Variants in IL17C observed in about 807,000 individuals in gnomAD.
IL17C encodes interleukin 17C.
Under a neutral mutation model 11.0 loss-of-function variants are expected in IL17C, and 13 were observed. That is an observed-to-expected ratio of 1.18 (90% confidence interval 0.77 to 1.88). IL17C has a LOEUF of 1.88. Ranked by LOEUF, IL17C falls within the 40% of genes most tolerant of loss-of-function variation. IL17C has a pLI of 0.00. For missense variants in IL17C, 357 were observed against 278.2 expected, an observed-to-expected ratio of 1.28 and a Z score of -2.01; for synonymous variants, 150 against 125.8, an observed-to-expected ratio of 1.19 and a Z score of -1.29.
chr16:88,639,129 T>C lies in IL17C; in HGVS notation c.155T>C (p.Leu52Pro). The C allele has an allele frequency of 6.2e-7, 1 of 1,613,024 alleles. No homozygotes were observed. The highest frequency in any genetic ancestry group is 1.3e-5 in the African/African-American group (1 of 75,050). The change falls in exon 2 of 3, where the codon CTG (leucine) becomes CCG (proline). Residue 52 changes from leucine to proline, a missense_variant. Leu to Pro is a moderately conservative substitution (Grantham distance 98). Transcript: ENST00000244241. The surrounding 1 kb of genome is among the most constrained non-coding windows in gnomAD (Gnocchi z 5.1). ...LPLGQAPPHL[L>P]ARGAKWGQAL... ...CTCGGCCAGGCCCCCCCACACCTGCTGGCTCGAGGTGCCAAGTGGGGGCAG... is the reference window on the plus strand; with the variant it reads ...CTCGGCCAGGCCCCCCCACACCTGCCGGCTCGAGGTGCCAAGTGGGGGCAG...
intron 1 of IL17C, 29 bp from the exon 2 acceptor site, chr16:88,638,952 C>G: frequency 6.5e-7 from 1 of 1,539,170 alleles, no homozygotes; most frequent in Non-Finnish European, 8.8e-7. Flanking sequence ...CTGGGCACCT[C>G]CTAACCACCC....
In IL17C at chr16:88,639,407, T is replaced by A; in HGVS notation, c.335+98T>A. On this transcript the variant is annotated intron_variant, in intron 2 of 2. Transcript: ENST00000244241. The surrounding 1 kb of genome is among the most constrained non-coding windows in gnomAD (Gnocchi z 5.1). ...TCTCTGGGCCTTGGTGGTTCTCACC[T>A]GTCAAGTGGGCGTGGCCACCTGAGC... 1 of 1,223,218 alleles carries A rather than the reference T, an allele frequency of 8.2e-7. No individual in the cohort carries two copies. The highest frequency in any genetic ancestry group is 1.1e-6 in the Non-Finnish European group (1 of 904,766). 75.8% of individuals were successfully genotyped at this position (1,223,218 alleles called of 1,614,324 possible). A position where few individuals can be genotyped will look rare whatever the true frequency, so the allele number is the denominator to read the frequency against.
At position 88,638,577 on chromosome 16, in the gene IL17C, C is replaced by T; in HGVS notation, c.-65C>T. The stretch of plus-strand genomic sequence containing the variant: ...CTGCTGCCAGGTGCATGGCCAGGTG[C>T]ACCTGTGGGATTGCCGCCAGGTGTG... On this transcript the variant is annotated 5_prime_UTR_variant, in exon 1 of 3. Coordinates refer to ENST00000244241, the MANE Select transcript of IL17C (RefSeq NM_013278.4). 4.3e-6 allele frequency: 7 copies of T among 1,609,546 alleles called. No individual in the cohort carries two copies. Among genetic ancestry groups the T allele is most frequent in the Admixed American group, 1.7e-5 (1 of 59,994 alleles).
Position 88,640,109 on chromosome 16 carries a change from T to G in IL17C, c.*37T>G. 1 of 1,516,124 alleles carries G rather than the reference T, an allele frequency of 6.6e-7. No homozygotes were observed. Among genetic ancestry groups the G allele is most frequent in the Non-Finnish European group, 8.8e-7 (1 of 1,132,662 alleles). The allele number at this position is 1,516,124 out of a possible 1,614,324, so 93.9% of individuals were successfully genotyped here. A position where few individuals can be genotyped will look rare whatever the true frequency, so the allele number is the denominator to read the frequency against. On this transcript the variant is annotated 3_prime_UTR_variant, in exon 3 of 3. Transcript: ENST00000244241. ...GTGGGGCCCCTAGACTGGACACGTG[T>G]GCTCCCCAGAGGGCACCCCCTATTT... is the stretch of plus-strand genomic sequence containing the variant.
In IL17C at chr16:88,638,662, A is replaced by G. The variant is rs779205472; in HGVS notation, c.6+15A>G. 3.1e-6 allele frequency: 5 copies of G among 1,612,834 alleles called. No homozygotes were observed. Among genetic ancestry groups the G allele is most frequent in the South Asian group, 1.1e-5 (1 of 91,082 alleles). Reference sequence around the variant, plus strand: ...CCACCATGACGGTGAGCCTCTCCACATGCCGCTCGGATGGATGCTGCTTGG... The same window carrying G: ...CCACCATGACGGTGAGCCTCTCCACGTGCCGCTCGGATGGATGCTGCTTGG... On this transcript the variant is annotated intron_variant, in intron 1 of 2. Transcript: ENST00000244241.
In IL17C at chr16:88,639,750, G is replaced by A; in HGVS notation, c.336-64G>A. ...CTGAGTACACGGAGAGGGGCCCTGA[G>A]GGGAGAGGGGCCTCCAGGAGGACAG... On this transcript the variant is annotated intron_variant, in intron 2 of 2. Transcript: ENST00000244241. The surrounding 1 kb of genome is among the most constrained non-coding windows in gnomAD (Gnocchi z 5.1). 1 of 1,459,566 alleles carries A rather than the reference G, an allele frequency of 6.9e-7. No homozygotes were observed. The highest frequency in any genetic ancestry group is 2.4e-5 in the Admixed American group (1 of 42,080). The allele number at this position is 1,459,566 out of a possible 1,614,324, so 90.4% of individuals were successfully genotyped here.
rs896256624 is a variant in IL17C at position 88,639,205 on chromosome 16, G to GA, written c.232dup (p.Arg78LysfsTer40). 1 of 1,612,772 alleles carries GA rather than the reference G, an allele frequency of 6.2e-7. No individual in the cohort carries two copies. Among genetic ancestry groups the GA allele is most frequent in the Non-Finnish European group, 8.5e-7 (1 of 1,179,880 alleles). ...GCCTGGAGGCAGCAAGCCACAGGGG[G>GA]AGGCACGAGAGGCCCTCAGCTACGA... On this transcript the variant is annotated frameshift_variant, in exon 2 of 3. Coordinates refer to ENST00000244241, the MANE Select transcript of IL17C (RefSeq NM_013278.4). This position sits in a 1 kb window ranked among gnomAD's most constrained non-coding sequence, Gnocchi z 5.1.
chr16:88,640,165 C>A lies in IL17C; in HGVS notation c.*93C>A. On this transcript the variant is annotated 3_prime_UTR_variant, in exon 3 of 3. Transcript: ENST00000244241. ...TATTTATTGTTATTTATATGCCTCC[C>A]CCAACACTACCCTTGGGGTCTGGGC... 1 of 1,363,562 alleles carries A rather than the reference C, an allele frequency of 7.3e-7. No homozygotes were observed. The highest frequency in any genetic ancestry group is 9.9e-7 in the Non-Finnish European group (1 of 1,014,042). 84.5% of individuals were successfully genotyped at this position (1,363,562 alleles called of 1,614,324 possible). A position where few individuals can be genotyped will look rare whatever the true frequency, so the allele number is the denominator to read the frequency against.
rs758263667 is a variant in IL17C, at chr16:88,639,164, G to A, written c.190G>A (p.Val64Ile). The change falls in exon 2 of 3, where the codon GTA becomes ATA. Residue 64 changes from valine (V) to isoleucine (I), a missense_variant. Physicochemically the swap from Val to Ile is conservative, Grantham distance 29. Coordinates refer to ENST00000244241, the MANE Select transcript of IL17C (RefSeq NM_013278.4). This position sits in a 1 kb window ranked among gnomAD's most constrained non-coding sequence, Gnocchi z 5.1. ...RGAKWGQALP[V>I]ALVSSLEAAS... ...TGCCAAGTGGGGGCAGGCTTTGCCTGTAGCCCTGGTGTCCAGCCTGGAGGC... is the reference window on the plus strand; with the variant it reads ...TGCCAAGTGGGGGCAGGCTTTGCCTATAGCCCTGGTGTCCAGCCTGGAGGC... 1 of 1,612,866 alleles carries A rather than the reference G, an allele frequency of 6.2e-7. No individual in the cohort carries two copies. Among genetic ancestry groups the A allele is most frequent in the East Asian group, 2.2e-5 (1 of 44,878 alleles).
Position 88,638,671 on chromosome 16 carries a change from G to C in IL17C, c.6+24G>C, listed in dbSNP as rs376678612. The stretch of plus-strand genomic sequence containing the variant: ...CGGTGAGCCTCTCCACATGCCGCTC[G>C]GATGGATGCTGCTTGGATGTGCAGC... On this transcript the variant is annotated intron_variant, in intron 1 of 2. Coordinates refer to ENST00000244241, the MANE Select transcript of IL17C (RefSeq NM_013278.4). 5 of 1,612,890 alleles carry C rather than the reference G, an allele frequency of 3.1e-6. No homozygotes were observed. The South Asian group carries it at 5.5e-5, about 18-fold the overall frequency.
chr16:88,640,045 C>T lies in IL17C; in HGVS notation c.567C>T (p.Cys189=), dbSNP rs1439938165. 5 of 1,584,120 alleles carry T rather than the reference C, an allele frequency of 3.2e-6. No homozygotes were observed. In the East Asian group the frequency reaches 1.1e-4, roughly 36 times the overall value. ...AGTTCATCCACGTCCCCGTCGGCTG[C>T]ACCTGCGTGCTGCCCCGTTCAGTGT... ...HTEFIHVPVG[C]TCVLPRSV The change falls in exon 3 of 3, where the codon TGC becomes TGT. Residue 189 remains cysteine (C), a synonymous_variant. Coordinates refer to ENST00000244241, the MANE Select transcript of IL17C (RefSeq NM_013278.4).
At position 88,640,194 on chromosome 16, in the gene IL17C, C is replaced by T. The variant is rs1340592884; in HGVS notation, c.*122C>T. On this transcript the variant is annotated 3_prime_UTR_variant, in exon 3 of 3. Coordinates refer to ENST00000244241, the MANE Select transcript of IL17C (RefSeq NM_013278.4). ...ACACTACCCTTGGGGTCTGGGCATT[C>T]CCCGTGTCTGGAGGACAGCCCCCCA... 6.9e-6 allele frequency: 8 copies of T among 1,167,850 alleles called. No individual in the cohort carries two copies. Among genetic ancestry groups the T allele is most frequent in the Admixed American group, 5.5e-5 (2 of 36,468 alleles). 72.3% of individuals were successfully genotyped at this position (1,167,850 alleles called of 1,614,324 possible).
At chr16:88,638,748 G>A (rs1906965797) in intron 1 of IL17C, 101 bp downstream of exon 1, 6 of 1,572,856 alleles carry the variant, frequency 3.8e-6, no homozygotes, top group South Asian at 2.2e-5. Flanking sequence ...GTGTTGGGAT[G>A]GGGTCTGGGA....
chr16:88,639,098 C>G lies in IL17C; in HGVS notation c.124C>G (p.Leu42Val). Reference protein sequence around the residue: ...GTPHCYSAEELPLGQAPPHLL... With the variant: ...GTPHCYSAEEVPLGQAPPHLL... ...CCCACACTGCTACTCGGCTGAGGAACTGCCCCTCGGCCAGGCCCCCCCACA... is the reference window on the plus strand; with the variant it reads ...CCCACACTGCTACTCGGCTGAGGAAGTGCCCCTCGGCCAGGCCCCCCCACA... Residue 42 changes from leucine to valine, a missense_variant, in exon 2 of 3, where the codon CTG becomes GTG. Physicochemically the swap from Leu to Val is conservative, Grantham distance 32. Coordinates refer to ENST00000244241, the MANE Select transcript of IL17C (RefSeq NM_013278.4). This position sits in a 1 kb window ranked among gnomAD's most constrained non-coding sequence, Gnocchi z 5.1. The G allele has an allele frequency of 6.2e-7, 1 of 1,613,240 alleles. No homozygotes were observed. Among genetic ancestry groups the G allele is most frequent in the Non-Finnish European group, 8.5e-7 (1 of 1,179,936 alleles).
At position 88,639,102 on chromosome 16, in the gene IL17C, C is replaced by T. The variant is rs1359424842; in HGVS notation, c.128C>T (p.Pro43Leu). ...CACTGCTACTCGGCTGAGGAACTGCCCCTCGGCCAGGCCCCCCCACACCTG... is the reference window on the plus strand; with the variant it reads ...CACTGCTACTCGGCTGAGGAACTGCTCCTCGGCCAGGCCCCCCCACACCTG... ...TPHCYSAEEL[P>L]LGQAPPHLLA... The change falls in exon 2 of 3, where the codon CCC (proline) becomes CTC (leucine). Residue 43 changes from proline (P) to leucine (L), a missense_variant. Physicochemically the swap from Pro to Leu is moderately conservative, Grantham distance 98 (BLOSUM62 -3). Transcript: ENST00000244241. This position sits in a 1 kb window ranked among gnomAD's most constrained non-coding sequence, Gnocchi z 5.1. 1.2e-6 allele frequency: 2 copies of T among 1,613,094 alleles called. No individual in the cohort carries two copies. Among genetic ancestry groups the T allele is most frequent in the Non-Finnish European group, 1.7e-6 (2 of 1,179,946 alleles).
chr16:88,639,724 C>G lies in IL17C; in HGVS notation c.336-90C>G. 2 of 1,418,390 alleles carry G rather than the reference C, an allele frequency of 1.4e-6. No homozygotes were observed. The highest frequency in any genetic ancestry group is 2.6e-5 in the Admixed American group (1 of 38,110). The allele number at this position is 1,418,390 out of a possible 1,614,324, so 87.9% of individuals were successfully genotyped here. A position where few individuals can be genotyped will look rare whatever the true frequency, so the allele number is the denominator to read the frequency against. ...CAGCCCTCGCTGCCTCAGGTCCTAT[C>G]CTGAGTACACGGAGAGGGGCCCTGA... On this transcript the variant is annotated intron_variant, in intron 2 of 2. Transcript: ENST00000244241. This position sits in a 1 kb window ranked among gnomAD's most constrained non-coding sequence, Gnocchi z 5.1.
chr16:88,639,151 G>T lies in IL17C; in HGVS notation c.177G>T (p.Gly59=), dbSNP rs750744419. 3.7e-6 allele frequency: 6 copies of T among 1,612,950 alleles called. No individual in the cohort carries two copies. Among genetic ancestry groups the T allele is most frequent in the African/African-American group, 1.3e-5 (1 of 75,066 alleles). ...PHLLARGAKW[G]QALPVALVSS... ...TGCTGGCTCGAGGTGCCAAGTGGGG[G>T]CAGGCTTTGCCTGTAGCCCTGGTGT... The change falls in exon 2 of 3, where the codon GGG becomes GGT. Residue 59 remains glycine (G), a synonymous_variant. Coordinates refer to ENST00000244241, the MANE Select transcript of IL17C (RefSeq NM_013278.4). The surrounding 1 kb of genome is among the most constrained non-coding windows in gnomAD (Gnocchi z 5.1).
In IL17C at chr16:88,639,373, C is replaced by T; in HGVS notation, c.335+64C>T. The T allele has an allele frequency of 7.0e-7, 1 of 1,432,090 alleles. No individual in the cohort carries two copies. The highest frequency in any genetic ancestry group is 9.3e-7 in the Non-Finnish European group (1 of 1,078,262). 88.7% of individuals were successfully genotyped at this position (1,432,090 alleles called of 1,614,324 possible). ...CCTCCCCTGGCGGGGCCCTGACTGC[C>T]CGGAGAGCTCTCTGGGCCTTGGTGG... is the stretch of plus-strand genomic sequence containing the variant. On this transcript the variant is annotated intron_variant, in intron 2 of 2. Coordinates refer to ENST00000244241, the MANE Select transcript of IL17C (RefSeq NM_013278.4). This position sits in a 1 kb window ranked among gnomAD's most constrained non-coding sequence, Gnocchi z 5.1.
At position 88,639,384 on chromosome 16, in the gene IL17C, T is replaced by C; in HGVS notation, c.335+75T>C. 1 of 1,402,080 alleles carries C rather than the reference T, an allele frequency of 7.1e-7. No homozygotes were observed. Among genetic ancestry groups the C allele is most frequent in the Non-Finnish European group, 9.5e-7 (1 of 1,056,530 alleles). 86.9% of individuals were successfully genotyped at this position (1,402,080 alleles called of 1,614,324 possible). A position where few individuals can be genotyped will look rare whatever the true frequency, so the allele number is the denominator to read the frequency against. ...GGGGCCCTGACTGCCCGGAGAGCTCTCTGGGCCTTGGTGGTTCTCACCTGT... is the reference window on the plus strand; with the variant it reads ...GGGGCCCTGACTGCCCGGAGAGCTCCCTGGGCCTTGGTGGTTCTCACCTGT... On this transcript the variant is annotated intron_variant, in intron 2 of 2. Transcript: ENST00000244241. The surrounding 1 kb of genome is among the most constrained non-coding windows in gnomAD (Gnocchi z 5.1).
Sources: gnomAD v4.1 joint callset for allele counts on GRCh38, gnomAD v4.1.1 for gene constraint, Gnocchi (gnomAD v3.1) non-coding constraint, MANE v1.5 for transcripts, NCBI Gene and HGNC (gene_info 2026-07-23, HGNC 2026-07-21) for gene names.